Variants in CFAP70 observed in about 807,000 individuals in gnomAD.
The protein encoded by CFAP70 is cilia and flagella associated protein 70.
A neutral mutation model predicts 137.6 loss-of-function variants in CFAP70; 81 were observed. The observed-to-expected ratio is 0.59, with a 90% confidence interval of 0.49 to 0.71. CFAP70 has a LOEUF of 0.71. Among genes scored for constraint, CFAP70 ranks in the 30% least tolerant of loss-of-function variants. The probability of loss-of-function intolerance (pLI) is 0.00; values close to 1 mark genes in which losing one functional copy is unlikely to be tolerated. For synonymous variants in CFAP70, 382 were observed against 423.6 expected, an observed-to-expected ratio of 0.90 and a Z score of 1.20; for missense variants, 976 against 1,226.7, an observed-to-expected ratio of 0.80 and a Z score of 3.05.
At chr10:73,338,166 A>G (rs2052880706) in intron 6 of CFAP70, among the ~76,000 whole-genome samples, 1 of 129,182 alleles carries the variant, frequency 7.7e-6, no homozygotes, top group African/African-American at 3.1e-5. Flanking sequence ...TTTTTTTGAG[A>G]CAGAATCTTG....
At position 73,335,333 on chromosome 10, in the gene CFAP70, A is replaced by C; in HGVS notation, c.677+97T>G. On this transcript the variant is annotated intron_variant, in intron 7 of 26. Transcript: ENST00000310715. ...AATGAGAAAGTCTCAATCTAAAATC[A>C]CCTTAACTCAAATATAAATAAAATT... 3 of 712,892 alleles carry C rather than the reference A, an allele frequency of 4.2e-6. No homozygotes were observed. In the Admixed American group the frequency reaches 8.2e-5, roughly 20 times the overall value. 44.2% of individuals were successfully genotyped at this position (712,892 alleles called of 1,614,324 possible). A position where few individuals can be genotyped will look rare whatever the true frequency, so the allele number is the denominator to read the frequency against.
At chr10:73,351,075 A>ATG (rs2054212810) in intron 3 of CFAP70, among the ~76,000 whole-genome samples, 1 of 49,076 alleles carries the variant, frequency 2.0e-5, no homozygotes, top group African/African-American at 1.6e-4. Flanking sequence ...GTGTGTGTAT[A>ATG]TATATATATA....
chr10:73,335,060 C>CTTTTTT (rs547226854), intron 7 of CFAP70, among the ~76,000 whole-genome samples: 27 of 118,320 alleles, frequency 2.3e-4, no homozygotes, highest in Non-Finnish European at 3.1e-4. Flanking sequence ...TCTTCTTCTT[C>CTTTTTT]TTTTTTTTTT....
downstream of CFAP70, chr10:73,253,772 C>T (rs1015912533): frequency 1.7e-5 from 8 of 468,028 alleles, no homozygotes; most frequent in Middle Eastern, 4.6e-4. Flanking sequence ...TTTTGAGTTT[C>T]ATATCTCCAT....
intron 11 of CFAP70, 104 bp from the exon 13 acceptor site, chr10:73,310,353 T>A (rs538833357): frequency 1.5e-5 from 10 of 679,174 alleles, no homozygotes; most frequent in Non-Finnish European, 2.2e-5. Flanking sequence ...GAAAACTGCA[T>A]ATATAACTAC....
At chr10:73,323,126 G>C (rs371647869) in intron 8 of CFAP70, 29 bp from the exon 10 acceptor site, 1 of 1,591,264 alleles carries the variant, frequency 6.3e-7, no homozygotes, top group African/African-American at 1.4e-5. Context: ...AGAGTTGTTA[G>C]TGCTATAAGC....
chr10:73,273,076 G>C, intron 23 of CFAP70, 59 bp from the exon 25 acceptor site: 1 of 1,297,566 alleles, frequency 7.7e-7, no homozygotes, highest in African/African-American at 1.5e-5. Flanking sequence ...CCATATTGCT[G>C]GGATGATCAT....
In CFAP70 at chr10:73,310,264, T is replaced by G; in HGVS notation, c.1165-15A>C. On this transcript the variant is annotated splice_polypyrimidine_tract_variant and intron_variant, in intron 11 of 26. Transcript: ENST00000310715. ...TCTACATATTGCTGTAAAGACATTG[T>G]TTTCTTATTATTTCCAGAAAAAAAT... 1 of 1,561,952 alleles carries G rather than the reference T, an allele frequency of 6.4e-7. No homozygotes were observed. Among genetic ancestry groups the G allele is most frequent in the South Asian group, 1.2e-5 (1 of 85,274 alleles).
intron 19 of CFAP70, among the ~76,000 whole-genome samples, chr10:73,291,023 T>G (rs919781560): frequency 1.3e-5 from 2 of 152,204 alleles, no homozygotes; most frequent in African/African-American, 4.8e-5. Context: ...TTTTATTTTT[T>G]AAATTTTGTT....
chr10:73,332,169 G>C (rs1376893247), intron 7 of CFAP70, among the ~76,000 whole-genome samples: 1 of 151,874 alleles, frequency 6.6e-6, no homozygotes, highest in Non-Finnish European at 1.5e-5. Flanking sequence ...GGTAGAAATA[G>C]TTTAATGATA....
intron 3 of CFAP70, among the ~76,000 whole-genome samples, chr10:73,350,621 A>AT (rs1387001928): frequency 2.6e-5 from 4 of 151,514 alleles, no homozygotes; most frequent in Admixed American, 6.6e-5. Flanking sequence ...ATATATATAT[A>AT]TTTTTTTTCT....
At chr10:73,328,682 C>T (rs1169975582) in intron 8 of CFAP70, among the ~76,000 whole-genome samples, 2 of 143,566 alleles carry the variant, frequency 1.4e-5, no homozygotes, top group Admixed American at 6.9e-5. Flanking sequence ...GGGCGAAGGA[C>T]ATGAACAGAC....
intron 25 of CFAP70, among the ~76,000 whole-genome samples, chr10:73,260,179 T>C (rs1027146402): frequency 5.3e-5 from 8 of 152,094 alleles, no homozygotes; most frequent in African/African-American, 1.9e-4. Flanking sequence ...ATAGTGAGAC[T>C]CTGCTCTACA....
upstream of CFAP70, chr10:73,358,836 G>C (rs988082904): frequency 2.0e-5 from 3 of 152,286 alleles, no homozygotes; most frequent in Non-Finnish European, 4.4e-5. Flanking sequence ...CTGGGGCCGG[G>C]AGCAGGGAGC....
chr10:73,356,616 C>A (rs1564899332), intron 1 of CFAP70, among the ~76,000 whole-genome samples: 1 of 152,306 alleles, frequency 6.6e-6, no homozygotes, highest in Non-Finnish European at 1.5e-5. Context: ...TATAATTATC[C>A]TGCCTCTTCT....
chr10:73,351,210 C>T (rs965576371), intron 3 of CFAP70, among the ~76,000 whole-genome samples: 4 of 146,798 alleles, frequency 2.7e-5, no homozygotes, highest in African/African-American at 1.0e-4. Flanking sequence ...GCTCCGCCTC[C>T]TGGGTTCTCG....
At chr10:73,350,967 ATATG>A (rs1202486859) in intron 3 of CFAP70, among the ~76,000 whole-genome samples, 7 of 147,218 alleles carry the variant, frequency 4.8e-5, no homozygotes, top group East Asian at 2.0e-4. Flanking sequence ...ATGTGTGTGT[ATATG>A]TATGTGTGTG....
At chr10:73,292,000 C>T (rs1257141241) in exon 17 of CFAP70, 1 of 1,614,122 alleles carries the variant, frequency 6.2e-7, no homozygotes, top group Non-Finnish European at 8.5e-7. Flanking sequence ...GATTCTGGGG[C>T]TCACGGACCA....
At chr10:73,359,842 A>T (rs2054936722), upstream of CFAP70, among the ~76,000 whole-genome samples, 1 of 152,130 alleles carries the variant, frequency 6.6e-6, no homozygotes. Flanking sequence ...ATCATGGTTA[A>T]CATCACCAGT....
Sources: allele counts gnomAD v4.1 joint callset (sites outside exome capture counted in the v4.1 genomes callset), GRCh38; gene constraint gnomAD v4.1.1; transcripts MANE v1.5; gene names NCBI Gene and HGNC (gene_info 2026-07-23, HGNC 2026-07-21).